SEMA3A: variants seen among roughly 807,000 people sequenced by gnomAD.
The protein encoded by SEMA3A is semaphorin-3A.
Under a neutral mutation model 97.9 loss-of-function variants are expected in SEMA3A, and 29 were observed. The observed-to-expected ratio is 0.30, with a 90% confidence interval of 0.22 to 0.40. The LOEUF is 0.40. Among genes scored for constraint, SEMA3A ranks in the 10% least tolerant of loss-of-function variants. The pLI is 1.00. For synonymous variants in SEMA3A, 321 were observed against 323.7 expected (o/e 0.99, Z 0.09); for missense variants, 763 against 951.3 (o/e 0.80, Z 2.60).
rs908914629 is a variant in SEMA3A, at chr7:84,434,279, T to C, written c.-246+58181A>G. ...AATATAGAGGAAATGGCTAACTTCCTGGAAACACACACGAACTCCTAAGAG... is the reference window on the plus strand; with the variant it reads ...AATATAGAGGAAATGGCTAACTTCCCGGAAACACACACGAACTCCTAAGAG... On this transcript the variant is annotated intron_variant, in intron 1 of 3. Coordinates refer to the SEMA3A transcript ENST00000424555. Among the ~76,000 whole-genome samples, 3 of 119,782 alleles carry C rather than the reference T, an allele frequency of 2.5e-5. No homozygotes were observed. The East Asian group carries it at 7.6e-4, about 30-fold the overall frequency. The allele number at this position is 119,782 out of a possible 152,430, so 78.6% of individuals were successfully genotyped here.
At chr7:83,987,965 C>T (rs1159830584) in intron 12 of SEMA3A, among the ~76,000 whole-genome samples, 1 of 152,180 alleles carries the variant, frequency 6.6e-6, no homozygotes, top group African/African-American at 2.4e-5. Context: ...CACCAGTGAA[C>T]TGTGTATTGC....
chr7:83,984,093 T>A (rs888747339), intron 13 of SEMA3A, among the ~76,000 whole-genome samples: 22 of 152,278 alleles, frequency 1.4e-4, no homozygotes, highest in Admixed American at 3.9e-4. Flanking sequence ...TGTACTTTTT[T>A]AAACAGATTT....
At position 84,276,511 on chromosome 7, in the gene SEMA3A, T is replaced by C. The variant is rs374696511; in HGVS notation, c.-83+30696A>G. Among the ~76,000 whole-genome samples the C allele has an allele frequency of 8.5e-5, 13 of 152,246 alleles. No individual in the cohort carries two copies. In the East Asian group the frequency reaches 1.2e-3, roughly 14 times the overall value. ...TCATTCTAGTACAATTTCCAGCACA[T>C]AGTAGGTACTTAATAAACCAATTTT... On this transcript the variant is annotated intron_variant, in intron 3 of 3. Coordinates refer to the SEMA3A transcript ENST00000424555.
chr7:84,210,008 C>T (rs984935274), intron 3 of SEMA3A, among the ~76,000 whole-genome samples: 9 of 152,066 alleles, frequency 5.9e-5, no homozygotes, highest in African/African-American at 2.2e-4. Flanking sequence ...CAATAATGTA[C>T]ATGTTCAATT....
chr7:83,990,682 G>A (rs1088370), intron 12 of SEMA3A, among the ~76,000 whole-genome samples: 1 of 119,078 alleles, frequency 8.4e-6, no homozygotes, highest in Non-Finnish European at 1.8e-5. Flanking sequence ...ATCTATATCT[G>A]TGTTTTGGTA....
chr7:84,361,429 CG>C (rs1251027082), intron 2 of SEMA3A, among the ~76,000 whole-genome samples: 2 of 151,794 alleles, frequency 1.3e-5, no homozygotes, highest in African/African-American at 4.8e-5. Flanking sequence ...AAATGGAAAA[CG>C]GAAAGCTATT....
chr7:84,006,628 G>A (rs1263793390), intron 10 of SEMA3A, among the ~76,000 whole-genome samples: 3 of 152,152 alleles, frequency 2.0e-5, no homozygotes, highest in African/African-American at 7.2e-5. Flanking sequence ...AGCATTTATA[G>A]AGTACAATAT....
chr7:84,390,419 C>T (rs1333240920), intron 1 of SEMA3A, among the ~76,000 whole-genome samples: 2 of 150,620 alleles, frequency 1.3e-5, no homozygotes, highest in Non-Finnish European at 3.0e-5. Context: ...AGAATATTAA[C>T]CCCTTTACTA....
intron 12 of SEMA3A, among the ~76,000 whole-genome samples, chr7:83,986,294 G>A (rs941010786): frequency 2.0e-5 from 3 of 151,276 alleles, no homozygotes; most frequent in Non-Finnish European, 3.0e-5. Flanking sequence ...TTTCATGTGC[G>A]AGGACCTACA....
intron 5 of SEMA3A, among the ~76,000 whole-genome samples, chr7:84,049,367 A>G (rs1792496420): frequency 6.6e-6 from 1 of 152,030 alleles, no homozygotes; most frequent in African/African-American, 2.4e-5. Context: ...TGAGGGTTCT[A>G]TGGGGAGTCT....
At chr7:84,136,960 AGAAG>A (rs201748268) in intron 1 of SEMA3A, among the ~76,000 whole-genome samples, 13,640 of 140,934 alleles carry the variant, frequency 0.097, 700 homozygotes, top group Non-Finnish European at 0.11. Context: ...GAGGGAGGGA[AGAAG>A]GAAGGAAGGA....
intron 1 of SEMA3A, among the ~76,000 whole-genome samples, chr7:84,427,914 T>C (rs1280275194): frequency 6.6e-6 from 1 of 152,030 alleles, no homozygotes; most frequent in Non-Finnish European, 1.5e-5. Flanking sequence ...TAAGTCTATA[T>C]AGCATTGATA....
At chr7:84,203,095 G>C (rs980946978) in intron 3 of SEMA3A, among the ~76,000 whole-genome samples, 4 of 152,072 alleles carry the variant, frequency 2.6e-5, no homozygotes, top group Non-Finnish European at 4.4e-5. Flanking sequence ...TCTGCCTACA[G>C]TTTGCATTAG....
chr7:83,965,633 TA>T (rs1788643587), intron 15 of SEMA3A, among the ~76,000 whole-genome samples: 1 of 6,036 alleles, frequency 1.7e-4, no homozygotes, highest in African/African-American at 8.9e-4. Flanking sequence ...GGTGCATATA[TA>T]TATATATATA....
chr7:84,305,470 A>G (rs1801131303), intron 3 of SEMA3A, among the ~76,000 whole-genome samples: 1 of 152,012 alleles, frequency 6.6e-6, no homozygotes, highest in Non-Finnish European at 1.5e-5. Context: ...TTGAGTTTTC[A>G]TTGGTTGACT....
chr7:84,484,828 A>G (rs964540281), intron 1 of SEMA3A, among the ~76,000 whole-genome samples: 2 of 152,174 alleles, frequency 1.3e-5, no homozygotes, highest in Non-Finnish European at 2.9e-5. Context: ...CTCATCCTTA[A>G]GGATCATAAT....
At chr7:83,981,622 A>C (rs574504688) in intron 13 of SEMA3A, 144 bp from the exon 14 acceptor site, 2 of 681,606 alleles carry the variant, frequency 2.9e-6, no homozygotes, top group Non-Finnish European at 4.6e-6. Context: ...TAATTTCTTT[A>C]AAGGCCTTCT....
intron 14 of SEMA3A, among the ~76,000 whole-genome samples, chr7:83,977,493 G>A (rs1466712381): frequency 1.3e-5 from 2 of 151,966 alleles, no homozygotes; most frequent in Non-Finnish European, 2.9e-5. Flanking sequence ...ACTACCAGAT[G>A]TCAGTCAGTA....
chr7:84,318,653 T>C (rs1026839246), intron 2 of SEMA3A, among the ~76,000 whole-genome samples: 2 of 152,284 alleles, frequency 1.3e-5, no homozygotes, highest in Non-Finnish European at 1.5e-5. Context: ...ATGAGATTGA[T>C]AGAACAGAGC....
Sources: gnomAD v4.1 joint callset for allele counts (sites outside exome capture counted in the v4.1 genomes callset) on GRCh38, gnomAD v4.1.1 for gene constraint, MANE v1.5 for transcripts, NCBI Gene and HGNC (gene_info 2026-07-23, HGNC 2026-07-21) for gene names.